INPP5A: variants seen among roughly 807,000 people sequenced by gnomAD.
INPP5A encodes 43 kDa inositol polyphosphate 5-phophatase.
In INPP5A, 14 loss-of-function variants were observed where a neutral mutation model predicts 65.2. The ratio of observed to expected loss-of-function variants is 0.21; its 90% CI spans 0.14 to 0.34. The LOEUF is 0.34. INPP5A is among the 10% of genes least tolerant of loss of function. INPP5A has a pLI of 1.00. For missense variants in INPP5A, 431 were observed against 545.6 expected (o/e 0.79, Z 2.09); for synonymous variants, 207 against 208.3 (o/e 0.99, Z 0.05).
chr10:132,613,683 CTT>C (rs998843488), intron 2 of INPP5A, among the ~76,000 whole-genome samples: 2 of 152,228 alleles, frequency 1.3e-5, no homozygotes, highest in Non-Finnish European at 2.9e-5. Context: ...TTTAGCCTGA[CTT>C]TGTTTCTTAG....
intron 8 of INPP5A, among the ~76,000 whole-genome samples, chr10:132,711,580 C>A (rs910203543): frequency 1.3e-5 from 2 of 152,162 alleles, no homozygotes; most frequent in African/African-American, 4.8e-5. Context: ...GAGCCCCCGC[C>A]CAGCCCCCGT....
chr10:132,600,334 G>A (rs936281305), intron 1 of INPP5A, among the ~76,000 whole-genome samples: 2 of 152,136 alleles, frequency 1.3e-5, no homozygotes, highest in African/African-American at 2.4e-5. Flanking sequence ...TCTAGGGCAC[G>A]GGCAAAATGC....
At position 132,569,283 on chromosome 10, in the gene INPP5A, G is replaced by A. The variant is rs544845648; in HGVS notation, c.75+31112G>A. 1.0e-3 allele frequency among the ~76,000 whole-genome samples: 153 copies of A among 152,092 alleles called. 1 individual carries two copies. The highest frequency in any genetic ancestry group is 1.0e-2 in the South Asian group (48 of 4,808). On this transcript the variant is annotated intron_variant, in intron 1 of 15. Transcript: ENST00000368594. ...AATAATAAAAATTTTATCTCACATGGTTTCTTCTGTTAATATGAAGCTGAC... is the reference window on the plus strand; with the variant it reads ...AATAATAAAAATTTTATCTCACATGATTTCTTCTGTTAATATGAAGCTGAC...
chr10:132,696,945 TG>T (rs1473392525), intron 5 of INPP5A, among the ~76,000 whole-genome samples: 1 of 152,206 alleles, frequency 6.6e-6, no homozygotes. Flanking sequence ...GTCCTCAGGT[TG>T]CCCCCTCTGT....
chr10:132,734,692 G>A (rs1020812779), intron 9 of INPP5A, among the ~76,000 whole-genome samples: 2 of 152,230 alleles, frequency 1.3e-5, no homozygotes, highest in Non-Finnish European at 1.5e-5. Context: ...AGGAGTGCCC[G>A]GGGCAGTGGG....
chr10:132,661,184 A>G (rs1445808590), intron 4 of INPP5A, among the ~76,000 whole-genome samples: 1 of 152,236 alleles, frequency 6.6e-6, no homozygotes. Flanking sequence ...ATCCAGCACC[A>G]TGTGTAAATT....
rs2071114828 is a variant in INPP5A, at chr10:132,555,492, A to G, written c.75+17321A>G. ...GAGGATGAGGAGCTTGAAGTGACTC[A>G]GGGGACCTGGCGCCGTTGGTGTGTG... On this transcript the variant is annotated intron_variant, in intron 1 of 15. Transcript: ENST00000368594. This position sits in a 1 kb window ranked among gnomAD's most constrained non-coding sequence, Gnocchi z 4.4. Among the ~76,000 whole-genome samples the G allele has an allele frequency of 6.6e-6, 1 of 152,044 alleles. No homozygotes were observed. The highest frequency in any genetic ancestry group is 2.1e-4 in the South Asian group (1 of 4,818).
intron 2 of INPP5A, among the ~76,000 whole-genome samples, chr10:132,611,594 A>C (rs1171802404): frequency 4.1e-5 from 3 of 73,278 alleles, no homozygotes; most frequent in Non-Finnish European, 5.4e-5. Context: ...GGGGAGGGTG[A>C]GGGAGGTGAG....
chr10:132,637,757 A>C lies in INPP5A; in HGVS notation c.118-8111A>C, dbSNP rs746574125. Among the ~76,000 whole-genome samples, 10 of 151,952 alleles carry C rather than the reference A, an allele frequency of 6.6e-5. No homozygotes were observed. The highest frequency in any genetic ancestry group is 1.3e-4 in the Admixed American group (2 of 15,256). On this transcript the variant is annotated intron_variant, in intron 2 of 15. Coordinates refer to ENST00000368594, the MANE Select transcript of INPP5A (RefSeq NM_005539.5). This position sits in a 1 kb window ranked among gnomAD's most constrained non-coding sequence, Gnocchi z 4.1. ...GGTCCATTCTGTGTTTTAGTTTCGC[A>C]TCTCTGATGTGAGGTGGTTTTTCAT...
chr10:132,750,016 C>T lies in INPP5A; in HGVS notation c.903+171C>T, dbSNP rs959778924. 1.3e-4 allele frequency among the ~76,000 whole-genome samples: 20 copies of T among 152,176 alleles called. 1 individual carries two copies. The highest frequency in any genetic ancestry group is 2.2e-4 in the Non-Finnish European group (15 of 68,024). On this transcript the variant is annotated intron_variant, in intron 11 of 15. Transcript: ENST00000368594. ...GCTGGGGACACATATTGGGTGCGTC[C>T]GGCACCCCGGGCCAGGTTGGGTGGA...
At chr10:132,745,087 G>C (rs3793676) in intron 9 of INPP5A, among the ~76,000 whole-genome samples, 2 of 152,206 alleles carry the variant, frequency 1.3e-5, no homozygotes, top group Non-Finnish European at 2.9e-5. Context: ...TGCTCCAGGC[G>C]AGCTTGGGCG....
At chr10:132,717,682 C>T (rs1172488166) in intron 8 of INPP5A, among the ~76,000 whole-genome samples, 5 of 148,988 alleles carry the variant, frequency 3.4e-5, no homozygotes, top group South Asian at 2.1e-4. Flanking sequence ...GCGCCTTAGA[C>T]GGCTGTCTTG....
At chr10:132,742,997 A>G (rs1160313443) in intron 9 of INPP5A, among the ~76,000 whole-genome samples, 1 of 152,140 alleles carries the variant, frequency 6.6e-6, no homozygotes, top group African/African-American at 2.4e-5. Context: ...GTCCCCGGCC[A>G]TTGTTTCTGA....
intron 4 of INPP5A, among the ~76,000 whole-genome samples, chr10:132,671,586 G>A (rs1206177139): frequency 3.3e-5 from 5 of 152,220 alleles, no homozygotes; most frequent in Non-Finnish European, 5.9e-5. Context: ...CCCATCATCA[G>A]CCAAGGATGT....
At chr10:132,760,804 C>T (rs958763373) in intron 11 of INPP5A, among the ~76,000 whole-genome samples, 1 of 152,216 alleles carries the variant, frequency 6.6e-6, no homozygotes, top group African/African-American at 2.4e-5. Flanking sequence ...GTCCTTTGTC[C>T]ACTGTCTTCC....
At chr10:132,703,912 C>CCA (rs778729869) in intron 6 of INPP5A, among the ~76,000 whole-genome samples, 1 of 121,744 alleles carries the variant, frequency 8.2e-6, no homozygotes, top group African/African-American at 3.3e-5. Context: ...GGCTTCACCC[C>CCA]CACACACACA....
chr10:132,559,599 C>G (rs556427220), intron 1 of INPP5A, among the ~76,000 whole-genome samples: 2 of 152,144 alleles, frequency 1.3e-5, no homozygotes, highest in East Asian at 1.9e-4. Context: ...GCCTTCGCAT[C>G]GTACTTCACG....
At chr10:132,713,249 T>C (rs1227916479) in intron 8 of INPP5A, among the ~76,000 whole-genome samples, 2 of 151,932 alleles carry the variant, frequency 1.3e-5, no homozygotes, top group African/African-American at 2.4e-5. Flanking sequence ...CAGGTGTGGG[T>C]GCATGTGCAC....
intron 1 of INPP5A, among the ~76,000 whole-genome samples, chr10:132,583,719 C>T (rs767584808): frequency 2.6e-5 from 4 of 152,184 alleles, no homozygotes; most frequent in Admixed American, 2.6e-4. Flanking sequence ...TAAATTACAT[C>T]GCTGTTTAGT....
Sources: allele counts gnomAD v4.1 joint callset (sites outside exome capture counted in the v4.1 genomes callset), GRCh38; gene constraint gnomAD v4.1.1; non-coding constraint Gnocchi (gnomAD v3.1); transcripts MANE v1.5; gene names NCBI Gene and HGNC (gene_info 2026-07-23, HGNC 2026-07-21).